Variants in SORCS2 observed in about 807,000 individuals in gnomAD.
The protein encoded by SORCS2 is VPS10 domain-containing receptor SorCS2.
A neutral mutation model predicts 141.6 loss-of-function variants in SORCS2; 100 were observed. The observed-to-expected ratio is 0.71, with a 90% CI of 0.60 to 0.83. The LOEUF (loss-of-function observed/expected upper bound fraction) is 0.83, where lower values mean the gene tolerates loss of function less well. Among genes scored for constraint, SORCS2 ranks in the 40% least tolerant of loss-of-function variants. The probability of loss-of-function intolerance (pLI) is 0.00; values close to 1 mark genes in which losing one functional copy is unlikely to be tolerated. For synonymous variants in SORCS2, 789 were observed against 676.9 expected (o/e 1.17, Z -2.57); for missense variants, 1,646 against 1,560.2 (o/e 1.05, Z -0.93).
chr4:7,647,067 C>T (rs905925083), intron 4 of SORCS2, among the ~76,000 whole-genome samples: 6 of 152,050 alleles, frequency 3.9e-5, no homozygotes, highest in Non-Finnish European at 1.5e-5. Flanking sequence ...GACGCTGTCC[C>T]GAAAAACAGG....
intron 2 of SORCS2, among the ~76,000 whole-genome samples, chr4:7,507,695 G>C (rs889737906): frequency 6.6e-6 from 1 of 151,848 alleles, no homozygotes; most frequent in South Asian, 2.1e-4. Context: ...CGGGAAAGGT[G>C]GTTTTTCCAA....
chr4:7,733,411 C>T lies in SORCS2; in HGVS notation c.3198C>T (p.Asp1066=). 1 of 1,587,328 alleles carries T rather than the reference C, an allele frequency of 6.3e-7. No homozygotes were observed. Among genetic ancestry groups the T allele is most frequent in the Non-Finnish European group, 8.6e-7 (1 of 1,167,054 alleles). ...TCCGGGTCCTGGTGGCCCTGCGGGA[C>T]ACAGGCACAGGTGAGCCACTGGGAG... ...GGVRVLVALR[D]TGTGAEQLGG... is the part of the protein sequence containing the mutation. Residue 1066 remains aspartate (D), a synonymous_variant, in exon 24 of 27, where the codon GAC becomes GAT. Transcript: ENST00000507866.
At chr4:7,451,346 C>T (rs1346818481) in intron 2 of SORCS2, among the ~76,000 whole-genome samples, 1 of 152,242 alleles carries the variant, frequency 6.6e-6, no homozygotes, top group Admixed American at 6.5e-5. Flanking sequence ...GCTGGGAGCC[C>T]CGAGGCCAAG....
chr4:7,463,720 T>C (rs1729449329), intron 2 of SORCS2, among the ~76,000 whole-genome samples: 1 of 152,208 alleles, frequency 6.6e-6, no homozygotes, highest in South Asian at 2.1e-4. Context: ...GGGGAGACGG[T>C]GGTGCCACTC....
At chr4:7,520,489 C>T (rs1733257403) in intron 2 of SORCS2, among the ~76,000 whole-genome samples, 1 of 152,164 alleles carries the variant, frequency 6.6e-6, no homozygotes, top group Non-Finnish European at 1.5e-5. Flanking sequence ...TGGGATTGCG[C>T]CCAGCCCAGC....
chr4:7,515,983 C>T (rs1031492407), intron 2 of SORCS2, among the ~76,000 whole-genome samples: 2 of 152,174 alleles, frequency 1.3e-5, no homozygotes, highest in Admixed American at 6.5e-5. Flanking sequence ...AGGGTGCTCT[C>T]GGCTCTCGCA....
chr4:7,676,202 G>T lies in SORCS2; in HGVS notation c.1314G>T (p.Glu438Asp). The stretch of plus-strand genomic sequence containing the variant: ...ACGTGCGCAGCTCACGGCAGGCGGA[G>T]GAGAGCGTGCTCATCGACATCCTGG... ...LQDVRSSRQA[E>D]ESVLIDILEV... is the part of the protein sequence containing the mutation. Residue 438 changes from glutamate (E) to aspartate (D), a missense_variant, in exon 9 of 27, where the codon GAG becomes GAT. Glu to Asp is a conservative substitution (Grantham distance 45, BLOSUM62 2). Transcript: ENST00000507866. 1 of 1,552,046 alleles carries T rather than the reference G, an allele frequency of 6.4e-7. No individual in the cohort carries two copies. Among genetic ancestry groups the T allele is most frequent in the Non-Finnish European group, 8.7e-7 (1 of 1,147,410 alleles).
At chr4:7,654,327 C>T (rs757603131) in intron 5 of SORCS2, 120 bp downstream of exon 5, 499 of 1,023,238 alleles carry the variant, frequency 4.9e-4, no homozygotes, top group Non-Finnish European at 6.2e-4. Context: ...CTCCCCATCC[C>T]GGGGCTGGGT....
At chr4:7,474,077 C>T (rs962647126) in intron 2 of SORCS2, among the ~76,000 whole-genome samples, 3 of 152,168 alleles carry the variant, frequency 2.0e-5, no homozygotes, top group Non-Finnish European at 4.4e-5. Flanking sequence ...TGATGGCCTC[C>T]CCCTCAGAGC....
rs1194638648 is a variant in SORCS2, at chr4:7,661,397, T to G, written c.888-103T>G. On this transcript the variant is annotated intron_variant, in intron 5 of 26. Transcript: ENST00000507866. ...CCGGACCCACAGAGCAAGGGCGGCT[T>G]CAGAACCAGGGAGGCCACGTGGCTG... 4.7e-6 allele frequency: 6 copies of G among 1,284,890 alleles called. No homozygotes were observed. The Admixed American group carries it at 1.2e-4, about 26-fold the overall frequency. The allele number at this position is 1,284,890 out of a possible 1,614,324, so 79.6% of individuals were successfully genotyped here.
At chr4:7,245,144 C>T (rs1305634776) in intron 1 of SORCS2, among the ~76,000 whole-genome samples, 1 of 152,182 alleles carries the variant, frequency 6.6e-6, no homozygotes, top group Non-Finnish European at 1.5e-5. Context: ...TTCCCCCTTC[C>T]CCCTGGAAGC....
chr4:7,552,291 C>G (rs530605669), intron 3 of SORCS2, among the ~76,000 whole-genome samples: 68 of 152,244 alleles, frequency 4.5e-4, no homozygotes, highest in Non-Finnish European at 8.2e-4. Flanking sequence ...GACTATTTTC[C>G]TGGTCATGGC....
chr4:7,492,832 C>T (rs1731395093), intron 2 of SORCS2, among the ~76,000 whole-genome samples: 1 of 152,220 alleles, frequency 6.6e-6, no homozygotes, highest in South Asian at 2.1e-4. Flanking sequence ...AAGAAGGTAC[C>T]ATTTCCCGTG....
chr4:7,571,418 C>T (rs549107165), intron 3 of SORCS2, among the ~76,000 whole-genome samples: 74 of 152,228 alleles, frequency 4.9e-4, no homozygotes, highest in African/African-American at 1.4e-3. Flanking sequence ...GGGTTGGGGA[C>T]GGGAAATTGA....
intron 1 of SORCS2, among the ~76,000 whole-genome samples, chr4:7,221,860 C>T (rs1020087599): frequency 2.6e-5 from 4 of 151,280 alleles, no homozygotes; most frequent in African/African-American, 9.8e-5. Context: ...AGTGTTTGGC[C>T]CTGTGGTAGG....
chr4:7,454,812 G>A (rs1433147332), intron 2 of SORCS2, among the ~76,000 whole-genome samples: 1 of 130,676 alleles, frequency 7.7e-6, no homozygotes, highest in Non-Finnish European at 1.6e-5. Flanking sequence ...TTGGGGTCAG[G>A]CACTGTGTTG....
At chr4:7,403,955 A>G (rs1264521892) in intron 2 of SORCS2, among the ~76,000 whole-genome samples, 4 of 83,472 alleles carry the variant, frequency 4.8e-5, no homozygotes, top group Non-Finnish European at 8.0e-5. Flanking sequence ...CTCTGCCTCC[A>G]TGTGTGTATA....
chr4:7,479,395 C>T (rs1230653261), intron 2 of SORCS2, among the ~76,000 whole-genome samples: 1 of 152,118 alleles, frequency 6.6e-6, no homozygotes, highest in Admixed American at 6.5e-5. Context: ...CCCTAAAGCC[C>T]CCAGATAAAC....
intron 1 of SORCS2, among the ~76,000 whole-genome samples, chr4:7,325,174 A>C (rs1577400450): frequency 6.6e-6 from 1 of 152,216 alleles, no homozygotes; most frequent in East Asian, 1.9e-4. Context: ...GAGGAGGTGC[A>C]GGGCACTGGG....
Sources: allele counts gnomAD v4.1 joint callset (sites outside exome capture counted in the v4.1 genomes callset), GRCh38; gene constraint gnomAD v4.1.1; transcripts MANE v1.5; gene names NCBI Gene and HGNC (gene_info 2026-07-23, HGNC 2026-07-21).